Variants in MAP3K20 observed in about 807,000 individuals in gnomAD.
The protein encoded by MAP3K20 is HCCS-4.
A neutral mutation model predicts 85.7 loss-of-function variants in MAP3K20; 40 were observed. That is an observed-to-expected ratio of 0.47 (90% CI 0.36 to 0.61). The LOEUF is 0.61. Among genes scored for constraint, MAP3K20 ranks in the 20% least tolerant of loss-of-function variants. MAP3K20 has a pLI of 0.00. For synonymous variants in MAP3K20, 325 were observed against 327.7 expected (o/e 0.99, Z 0.09); for missense variants, 817 against 961.7 (o/e 0.85, Z 1.99).
chr2:173,189,344 G>C (rs572428480), intron 5 of MAP3K20, among the ~76,000 whole-genome samples: 4 of 152,158 alleles, frequency 2.6e-5, no homozygotes, highest in African/African-American at 7.2e-5. Flanking sequence ...TCCCTCCTTG[G>C]TAAAATCATC....
chr2:173,173,625 C>A (rs149373439), intron 3 of MAP3K20, among the ~76,000 whole-genome samples: 85 of 152,260 alleles, frequency 5.6e-4, no homozygotes, highest in African/African-American at 2.0e-3. Flanking sequence ...ATCTAATTTG[C>A]ATGTTTTGAT....
chr2:173,229,542 G>A, intron 11 of MAP3K20, 147 bp from the exon 12 acceptor site: 1 of 922,360 alleles, frequency 1.1e-6, no homozygotes, highest in Non-Finnish European at 1.6e-6. Context: ...TTAAGGTCAG[G>A]AAAACTGTTT....
At chr2:173,144,559 G>T (rs1448869405) in intron 2 of MAP3K20, among the ~76,000 whole-genome samples, 1 of 48,076 alleles carries the variant, frequency 2.1e-5, no homozygotes, top group Non-Finnish European at 4.1e-5. Flanking sequence ...AGCTGGGAGT[G>T]GGGGGGCATG....
chr2:173,261,881 G>A (rs1685302502), intron 18 of MAP3K20, among the ~76,000 whole-genome samples: 1 of 151,994 alleles, frequency 6.6e-6, no homozygotes, highest in Admixed American at 6.6e-5. Context: ...GCCAGGTGTG[G>A]TGGCACATGA....
chr2:173,258,959 A>G (rs972594142), intron 17 of MAP3K20, 144 bp downstream of exon 17: 10 of 502,998 alleles, frequency 2.0e-5, no homozygotes, highest in Non-Finnish European at 3.5e-5. Flanking sequence ...GGCACATTTT[A>G]TTTAGCAGAC....
chr2:173,202,772 C>A (rs79273618), intron 8 of MAP3K20, among the ~76,000 whole-genome samples: 11 of 152,228 alleles, frequency 7.2e-5, no homozygotes, highest in African/African-American at 2.6e-4. Flanking sequence ...GTTGTATTAA[C>A]GACTCCAGTA....
At chr2:173,246,041 G>C (rs1294516984) in intron 16 of MAP3K20, among the ~76,000 whole-genome samples, 2 of 152,162 alleles carry the variant, frequency 1.3e-5, no homozygotes, top group African/African-American at 2.4e-5. Flanking sequence ...CCATGCTAGG[G>C]ATAATTATTA....
intron 17 of MAP3K20, among the ~76,000 whole-genome samples, chr2:173,260,384 A>C (rs1484335155): frequency 1.3e-5 from 2 of 152,158 alleles, no homozygotes; most frequent in African/African-American, 4.8e-5. Flanking sequence ...AACCTAGCCC[A>C]GCTAAATCTC....
intron 16 of MAP3K20, among the ~76,000 whole-genome samples, chr2:173,253,766 T>C (rs17742685): frequency 0.071 from 10,732 of 152,196 alleles, 427 homozygotes; most frequent in South Asian, 0.15. Context: ...CACCTCAAGC[T>C]AAAATCAGTA....
intron 2 of MAP3K20, among the ~76,000 whole-genome samples, chr2:173,112,606 T>C (rs1688007536): frequency 6.6e-6 from 1 of 152,196 alleles, no homozygotes; most frequent in African/African-American, 2.4e-5. Flanking sequence ...TGATTTTTGC[T>C]GAGAGTTTTA....
intron 2 of MAP3K20, among the ~76,000 whole-genome samples, chr2:173,126,985 C>G (rs572272782): frequency 6.6e-6 from 1 of 152,166 alleles, no homozygotes; most frequent in South Asian, 2.1e-4. Context: ...AGTTCCCCAC[C>G]AAACCACAAT....
chr2:173,226,170 T>C (rs1684382573), intron 11 of MAP3K20: 1 of 970,444 alleles, frequency 1.0e-6, no homozygotes, highest in South Asian at 4.8e-5. Flanking sequence ...TTGATCCCCA[T>C]TAAAAATCAA....
At chr2:173,197,596 T>G (rs1690890798) in intron 7 of MAP3K20, 1 of 152,362 alleles carries the variant, frequency 6.6e-6, no homozygotes, top group African/African-American at 2.4e-5. Context: ...TTATTTTTGA[T>G]GAGACCATTA....
At chr2:173,184,002 T>C (rs1690411576) in intron 4 of MAP3K20, among the ~76,000 whole-genome samples, 1 of 152,248 alleles carries the variant, frequency 6.6e-6, no homozygotes, top group African/African-American at 2.4e-5. Flanking sequence ...TGCTGAATGA[T>C]GCCTCATTAC....
Position 173,266,659 on chromosome 2 carries a change from T to A in MAP3K20, c.2312T>A (p.Val771Glu), listed in dbSNP as rs752132352. 5.0e-6 allele frequency: 8 copies of A among 1,611,722 alleles called. No individual in the cohort carries two copies. Among genetic ancestry groups the A allele is most frequent in the Non-Finnish European group, 6.8e-6 (8 of 1,179,276 alleles). The part of the protein sequence containing the change: ...SKVSEGGWTK[V>E]EYRKKPHRPS... Reference sequence around the variant, plus strand: ...GTCAGCGAAGGGGGCTGGACAAAAGTGGAATACCGGAAAAAGCCCCACAGG... The same window carrying A: ...GTCAGCGAAGGGGGCTGGACAAAAGAGGAATACCGGAAAAAGCCCCACAGG... The change falls in exon 20 of 20, where the codon GTG (valine) becomes GAG (glutamate). Residue 771 changes from valine (V) to glutamate (E), a missense_variant. By Grantham distance (121) the Val-to-Glu change is moderately radical (BLOSUM62 -2). Transcript: ENST00000375213.
chr2:173,191,476 G>C (rs947702819), intron 7 of MAP3K20, among the ~76,000 whole-genome samples: 1 of 152,136 alleles, frequency 6.6e-6, no homozygotes, highest in Non-Finnish European at 1.5e-5. Flanking sequence ...TTTTTTGCAG[G>C]GTGGTAATGT....
At chr2:173,085,551 A>G (rs1056580944) in intron 1 of MAP3K20, among the ~76,000 whole-genome samples, 19 of 152,198 alleles carry the variant, frequency 1.2e-4, no homozygotes, top group Non-Finnish European at 1.9e-4. Flanking sequence ...CAAGTAGTGA[A>G]ATGATTGGAT....
intron 2 of MAP3K20, 122 bp downstream of exon 2, chr2:173,091,312 A>C: frequency 1.0e-6 from 1 of 957,350 alleles, no homozygotes; most frequent in Non-Finnish European, 1.5e-6. Flanking sequence ...CTGATCCACG[A>C]GGCCGTTTCC....
At chr2:173,227,379 A>G (rs1208941173) in intron 11 of MAP3K20, among the ~76,000 whole-genome samples, 1 of 152,178 alleles carries the variant, frequency 6.6e-6, no homozygotes. Flanking sequence ...AGATACACTG[A>G]TATGTTAACA....
Sources: allele counts gnomAD v4.1 joint callset (sites outside exome capture counted in the v4.1 genomes callset), GRCh38; gene constraint gnomAD v4.1.1; transcripts MANE v1.5; gene names NCBI Gene and HGNC (gene_info 2026-07-23, HGNC 2026-07-21).